The following PHTF2 variants were observed in gnomAD, a reference collection of about 807,000 sequenced individuals.
PHTF2 encodes the protein putative homeodomain transcription factor 2.
A neutral mutation model predicts 101.2 loss-of-function variants in PHTF2; 60 were observed. That is an observed-to-expected ratio of 0.59 (90% CI 0.48 to 0.73). PHTF2 has a LOEUF of 0.73. PHTF2 is among the 30% of genes least tolerant of loss of function. The probability of loss-of-function intolerance (pLI) is 0.00; values close to 1 mark genes in which losing one functional copy is unlikely to be tolerated. For missense variants in PHTF2, 747 were observed against 908.7 expected (o/e 0.82, Z 2.29); for synonymous variants, 311 against 307.3 (o/e 1.01, Z -0.13).
At chr7:77,830,891 C>G (rs1008179081) in intron 1 of PHTF2, among the ~76,000 whole-genome samples, 1 of 152,166 alleles carries the variant, frequency 6.6e-6, no homozygotes, top group African/African-American at 2.4e-5. Flanking sequence ...GGGCACTTAC[C>G]TCAGTCACAG....
chr7:77,938,068 C>A, intron 13 of PHTF2: 1 of 196,222 alleles, frequency 5.1e-6, no homozygotes, highest in Non-Finnish European at 1.0e-5. Context: ...ATGATACGGT[C>A]TATAATTTTT....
In PHTF2 at chr7:77,908,783, CT is replaced by C; in HGVS notation, c.446-5del. 1.3e-6 allele frequency: 2 copies of C among 1,526,944 alleles called. No individual in the cohort carries two copies. The highest frequency in any genetic ancestry group is 2.4e-5 in the East Asian group (1 of 42,304). The allele number at this position is 1,526,944 out of a possible 1,614,324, so 94.6% of individuals were successfully genotyped here. A position where few individuals can be genotyped will look rare whatever the true frequency, so the allele number is the denominator to read the frequency against. ...CTATAATTAAGCATATTTTCTTTCC[CT>C]TTTTATAGTTGCTGCAATAGTATTA... is the stretch of plus-strand genomic sequence containing the variant. On this transcript the variant is annotated splice_polypyrimidine_tract_variant and intron_variant, in intron 7 of 19. Transcript: ENST00000416283.
chr7:77,925,875 G>A (rs1803950979), intron 11 of PHTF2, among the ~76,000 whole-genome samples: 2 of 151,936 alleles, frequency 1.3e-5, no homozygotes, highest in South Asian at 4.1e-4. Flanking sequence ...GGCCAACATG[G>A]TGAAACCCCG....
chr7:77,932,295 A>C (rs954488057), intron 12 of PHTF2, among the ~76,000 whole-genome samples: 1 of 152,164 alleles, frequency 6.6e-6, no homozygotes, highest in Non-Finnish European at 1.5e-5. Flanking sequence ...TGGTGGAATG[A>C]TTTCTTAGGA....
At chr7:77,914,945 C>T (rs943744330) in intron 9 of PHTF2, among the ~76,000 whole-genome samples, 6 of 152,170 alleles carry the variant, frequency 3.9e-5, no homozygotes, top group Admixed American at 6.5e-5. Context: ...TGGAGTCTCG[C>T]TCTGTTGCCA....
At chr7:77,893,913 C>A in intron 4 of PHTF2, 69 bp from the exon 4 acceptor site, 1 of 1,115,048 alleles carries the variant, frequency 9.0e-7, no homozygotes, top group Admixed American at 1.8e-5. Flanking sequence ...CTTTTTTCCC[C>A]TTTCACTTGT....
chr7:77,852,234 G>A (rs1796823535), intron 2 of PHTF2, among the ~76,000 whole-genome samples: 1 of 152,170 alleles, frequency 6.6e-6, no homozygotes, highest in Non-Finnish European at 1.5e-5. Flanking sequence ...GCTCCCGCCT[G>A]TATTCCCAGC....
At chr7:77,864,679 GA>G (rs1354775718) in intron 3 of PHTF2, among the ~76,000 whole-genome samples, 6 of 151,656 alleles carry the variant, frequency 4.0e-5, no homozygotes, top group Admixed American at 1.3e-4. Context: ...TCCCCTCACG[GA>G]TATCTTTCAT....
intron 1 of PHTF2, among the ~76,000 whole-genome samples, chr7:77,810,562 A>G (rs1029475023): frequency 1.3e-5 from 2 of 152,040 alleles, no homozygotes; most frequent in Non-Finnish European, 1.5e-5. Flanking sequence ...TTTTGAGACG[A>G]AGTCTTGCTC....
intron 11 of PHTF2, among the ~76,000 whole-genome samples, chr7:77,926,890 G>T (rs888590860): frequency 6.6e-6 from 1 of 151,980 alleles, no homozygotes; most frequent in African/African-American, 2.4e-5. Context: ...CAGGGCCATG[G>T]CTCACCCCTG....
intron 3 of PHTF2, among the ~76,000 whole-genome samples, chr7:77,877,204 C>T (rs1455513886): frequency 6.6e-6 from 1 of 151,736 alleles, no homozygotes. Flanking sequence ...CAACCTCCAC[C>T]TCCTGGGTTC....
At position 77,879,780 on chromosome 7, in the gene PHTF2, G is replaced by A. The variant is rs1438565066; in HGVS notation, c.148-13828G>A. 2.0e-5 allele frequency among the ~76,000 whole-genome samples: 3 copies of A among 152,088 alleles called. No individual in the cohort carries two copies. In the South Asian group the frequency reaches 6.2e-4, roughly 32 times the overall value. On this transcript the variant is annotated intron_variant, in intron 3 of 19. Transcript: ENST00000416283. ...AAAGTTTCTCTTATGTATCTTATAG[G>A]AAAAGCCAAATTTATTTTCATAAAT...
At chr7:77,829,155 T>C (rs1794899851) in intron 1 of PHTF2, among the ~76,000 whole-genome samples, 1 of 152,210 alleles carries the variant, frequency 6.6e-6, no homozygotes, top group South Asian at 2.1e-4. Flanking sequence ...AACTCCAGCC[T>C]AGGTGGCAGA....
intron 3 of PHTF2, among the ~76,000 whole-genome samples, chr7:77,881,151 T>C (rs1052368348): frequency 6.6e-6 from 1 of 152,220 alleles, no homozygotes; most frequent in African/African-American, 2.4e-5. Context: ...TTGACATTAA[T>C]GTATTTAACT....
chr7:77,918,206 C>A (rs571038796), intron 9 of PHTF2, among the ~76,000 whole-genome samples: 78 of 152,200 alleles, frequency 5.1e-4, no homozygotes, highest in Non-Finnish European at 1.0e-3. Flanking sequence ...CTACCCTCAC[C>A]CCCCTACCAC....
chr7:77,883,995 T>C (rs976614360), intron 3 of PHTF2, among the ~76,000 whole-genome samples: 2 of 152,228 alleles, frequency 1.3e-5, no homozygotes, highest in Non-Finnish European at 2.9e-5. Flanking sequence ...ATGTGTTTTA[T>C]TGTCCCCATT....
chr7:77,950,275 G>T (rs185463010), intron 17 of PHTF2, among the ~76,000 whole-genome samples: 2 of 152,254 alleles, frequency 1.3e-5, no homozygotes, highest in Non-Finnish European at 2.9e-5. Flanking sequence ...GAATATTTTA[G>T]TTAGGGATAG....
chr7:77,826,308 G>A (rs558743411), intron 1 of PHTF2, among the ~76,000 whole-genome samples: 1 of 152,322 alleles, frequency 6.6e-6, no homozygotes, highest in East Asian at 1.9e-4. Context: ...TTTGACGGTA[G>A]GAAGTTGTCA....
chr7:77,831,942 GCA>G (rs1795108751), intron 1 of PHTF2, among the ~76,000 whole-genome samples: 1 of 152,144 alleles, frequency 6.6e-6, no homozygotes, highest in Admixed American at 6.6e-5. Context: ...TGGATGCAGA[GCA>G]CACACAGCTT....
Sources: allele counts gnomAD v4.1 joint callset (sites outside exome capture counted in the v4.1 genomes callset), GRCh38; gene constraint gnomAD v4.1.1; transcripts MANE v1.5; gene names NCBI Gene and HGNC (gene_info 2026-07-23, HGNC 2026-07-21).